ERC2: variants seen among roughly 807,000 people sequenced by gnomAD.
ERC2 encodes ELKS/RAB6-interacting/CAST family member 2, also known as ERC protein 2.
Under a neutral mutation model 114.8 loss-of-function variants are expected in ERC2, and 42 were observed. The observed-to-expected ratio is 0.37, with a 90% confidence interval of 0.29 to 0.47. The LOEUF (loss-of-function observed/expected upper bound fraction) is 0.47, where lower values mean the gene tolerates loss of function less well. Ranked by LOEUF, ERC2 falls within the 20% of genes least tolerant of loss-of-function variation. The pLI is 0.99. For synonymous variants in ERC2, 454 were observed against 425.5 expected (o/e 1.07, Z -0.82); for missense variants, 939 against 1,150.7 (o/e 0.82, Z 2.66).
At chr3:56,403,006 C>T (rs749380066) in intron 2 of ERC2, among the ~76,000 whole-genome samples, 2 of 152,084 alleles carry the variant, frequency 1.3e-5, no homozygotes, top group Non-Finnish European at 2.9e-5. Context: ...ACTGTGGTAA[C>T]CAAAAATGTC....
At chr3:56,217,620 C>G (rs1372657645) in intron 3 of ERC2, among the ~76,000 whole-genome samples, 1 of 152,090 alleles carries the variant, frequency 6.6e-6, no homozygotes, top group Admixed American at 6.5e-5. Context: ...ACTTTCTTCA[C>G]AGAATTGGAA....
chr3:56,146,693 G>T (rs73078494), intron 5 of ERC2, among the ~76,000 whole-genome samples: 1 of 151,982 alleles, frequency 6.6e-6, no homozygotes, highest in Non-Finnish European at 1.5e-5. Context: ...TGGTGCTGTC[G>T]CCCCTATTTT....
intron 12 of ERC2, among the ~76,000 whole-genome samples, chr3:55,982,224 A>G (rs1280864917): frequency 6.6e-6 from 1 of 152,214 alleles, no homozygotes; most frequent in Non-Finnish European, 1.5e-5. Flanking sequence ...ACAGAACTGC[A>G]CAGGTTTCCT....
intron 14 of ERC2, among the ~76,000 whole-genome samples, chr3:55,776,250 C>A (rs1253712143): frequency 6.6e-6 from 1 of 152,032 alleles, no homozygotes; most frequent in Admixed American, 6.6e-5. Flanking sequence ...TGTCCTAGGT[C>A]CTGGAAATCT....
chr3:56,367,491 C>T (rs945277590), intron 2 of ERC2, among the ~76,000 whole-genome samples: 1 of 152,112 alleles, frequency 6.6e-6, no homozygotes, highest in Non-Finnish European at 1.5e-5. Flanking sequence ...TTTGTCAAAA[C>T]TCCCTTCCTT....
intron 3 of ERC2, among the ~76,000 whole-genome samples, chr3:56,270,139 C>G (rs902299831): frequency 6.6e-6 from 1 of 151,436 alleles, no homozygotes; most frequent in African/African-American, 2.4e-5. Context: ...AAACAAATCT[C>G]TAAGTTTCCA....
At chr3:55,758,422 A>T (rs557545900) in intron 14 of ERC2, among the ~76,000 whole-genome samples, 36 of 152,296 alleles carry the variant, frequency 2.4e-4, no homozygotes, top group African/African-American at 8.4e-4. Flanking sequence ...GCTTTTCCAG[A>T]AGTTCATCCT....
rs941464789 is a variant in ERC2, at chr3:55,715,787, G to C, written c.2713-16275C>G. Among the ~76,000 whole-genome samples, 17 of 152,158 alleles carry C rather than the reference G, an allele frequency of 1.1e-4. No homozygotes were observed. In the South Asian group the frequency reaches 1.2e-3, roughly 11 times the overall value. On this transcript the variant is annotated intron_variant, in intron 15 of 17. Transcript: ENST00000288221. The stretch of plus-strand genomic sequence containing the variant: ...AGGTTAATGGCCCAAGGATCTCTCA[G>C]ACTCTGAAGCTTTATAGGACATTTT...
chr3:56,010,665 A>G, intron 8 of ERC2, 76 bp from the exon 9 acceptor site: 2 of 1,468,000 alleles, frequency 1.4e-6, no homozygotes, highest in African/African-American at 2.8e-5. Context: ...AAAAGAAAAT[A>G]AGAGGCAGTA....
chr3:55,900,507 G>A (rs571529457), intron 13 of ERC2, among the ~76,000 whole-genome samples: 3 of 152,274 alleles, frequency 2.0e-5, no homozygotes, highest in South Asian at 2.1e-4. Context: ...CAAGGAAGGA[G>A]AAGAAAATGG....
In ERC2 at chr3:55,763,498, G is replaced by A. The variant is rs6777503; in HGVS notation, c.2565-28580C>T. On this transcript the variant is annotated intron_variant, in intron 14 of 17. Coordinates refer to ENST00000288221, the MANE Select transcript of ERC2 (RefSeq NM_015576.3). Reference sequence around the variant, plus strand: ...TGCATTAAACAAATCCAGATTCAGAGAGGGACTCTGACTCCTGCCAACTGG... The same window carrying A: ...TGCATTAAACAAATCCAGATTCAGAAAGGGACTCTGACTCCTGCCAACTGG... 3.5e-4 allele frequency among the ~76,000 whole-genome samples: 53 copies of A among 152,128 alleles called. No individual in the cohort carries two copies. The East Asian group carries it at 9.9e-3, about 28-fold the overall frequency.
intron 2 of ERC2, among the ~76,000 whole-genome samples, chr3:56,341,564 A>C (rs1400328394): frequency 6.6e-6 from 1 of 152,010 alleles, no homozygotes; most frequent in East Asian, 1.9e-4. Flanking sequence ...GGCTTGAGTC[A>C]TGAGCTTGCC....
intron 17 of ERC2, among the ~76,000 whole-genome samples, chr3:55,656,368 G>A (rs1249637759): frequency 6.6e-6 from 1 of 152,062 alleles, no homozygotes. Flanking sequence ...ATGTTGCCCA[G>A]GCTAGTCTTG....
intron 6 of ERC2, among the ~76,000 whole-genome samples, chr3:56,082,920 A>T (rs2077312110): frequency 6.6e-6 from 1 of 152,148 alleles, no homozygotes; most frequent in Non-Finnish European, 1.5e-5. Context: ...TCACTCTCCT[A>T]TGACAGTCTA....
intron 2 of ERC2, among the ~76,000 whole-genome samples, chr3:56,399,493 C>T (rs2060440871): frequency 6.6e-6 from 1 of 152,142 alleles, no homozygotes; most frequent in Non-Finnish European, 1.5e-5. Flanking sequence ...TATTTCATTA[C>T]ATTCTCTATA....
intron 2 of ERC2, among the ~76,000 whole-genome samples, chr3:56,428,741 A>G (rs1201384465): frequency 6.6e-6 from 1 of 152,238 alleles, no homozygotes; most frequent in Non-Finnish European, 1.5e-5. Context: ...GATTTAGAGT[A>G]GATTCTTTCC....
intron 14 of ERC2, among the ~76,000 whole-genome samples, chr3:55,744,567 T>C (rs1402602768): frequency 1.3e-5 from 2 of 152,214 alleles, no homozygotes; most frequent in Non-Finnish European, 2.9e-5. Flanking sequence ...CTCTGATTGG[T>C]TGCTTTCAGA....
At chr3:55,801,980 A>G (rs2071093361) in intron 14 of ERC2, among the ~76,000 whole-genome samples, 1 of 152,242 alleles carries the variant, frequency 6.6e-6, no homozygotes, top group African/African-American at 2.4e-5. Flanking sequence ...CCTGGGTGCT[A>G]CTGATGCTGC....
At chr3:55,630,589 G>C (rs78720598) in intron 17 of ERC2, among the ~76,000 whole-genome samples, 2,551 of 152,286 alleles carry the variant, frequency 0.017, 77 homozygotes, top group African/African-American at 0.057. Flanking sequence ...TTTGCTCAAT[G>C]AGTTGGGCAA....
Sources: gnomAD v4.1 joint callset for allele counts (sites outside exome capture counted in the v4.1 genomes callset) on GRCh38, gnomAD v4.1.1 for gene constraint, MANE v1.5 for transcripts, NCBI Gene and HGNC (gene_info 2026-07-23, HGNC 2026-07-21) for gene names.